Variants in FBLN2 observed in about 807,000 individuals in gnomAD.
FBLN2 encodes the protein fibulin-2.
In FBLN2, 81 loss-of-function variants were observed where a neutral mutation model predicts 123.7. That is an observed-to-expected ratio of 0.65 (90% CI 0.55 to 0.79). FBLN2 has a LOEUF of 0.79. Ranked by LOEUF, FBLN2 falls within the 30% of genes least tolerant of loss-of-function variation. The probability of loss-of-function intolerance (pLI) is 0.00; values close to 1 mark genes in which losing one functional copy is unlikely to be tolerated. For synonymous variants in FBLN2, 699 were observed against 701.4 expected (o/e 1.00, Z 0.05); for missense variants, 1,603 against 1,681.3 (o/e 0.95, Z 0.81).
intron 1 of FBLN2, among the ~76,000 whole-genome samples, chr3:13,568,127 G>A (rs1056780412): frequency 1.2e-4 from 19 of 152,244 alleles, no homozygotes; most frequent in African/African-American, 4.3e-4. Flanking sequence ...TGGCACCTCA[G>A]TGTGAGGGCA....
chr3:13,567,298 G>A (rs1446833257), intron 1 of FBLN2, among the ~76,000 whole-genome samples: 2 of 152,210 alleles, frequency 1.3e-5, no homozygotes, highest in African/African-American at 4.8e-5. Context: ...CAACGTTCAT[G>A]CCTAGGTGTG....
rs762602216 is a variant in FBLN2 at position 13,629,982 on chromosome 3, G to C, written c.2968+37G>C. 5.0e-6 allele frequency: 8 copies of C among 1,604,600 alleles called. No homozygotes were observed. In the African/African-American group the frequency reaches 1.1e-4, roughly 21 times the overall value. On this transcript the variant is annotated intron_variant, in intron 14 of 17. Coordinates refer to ENST00000404922, the MANE Select transcript of FBLN2 (RefSeq NM_001004019.2). ...CTCATCTCTGACCCTATGCCGCCTG[G>C]TATCTGTAGTGGGCAGACCCGCCGT...
intron 1 of FBLN2, among the ~76,000 whole-genome samples, chr3:13,557,522 T>C (rs914806408): frequency 6.6e-6 from 1 of 152,252 alleles, no homozygotes; most frequent in Non-Finnish European, 1.5e-5. Context: ...CTTGCTCTGC[T>C]GTTCTCTGTG....
intron 16 of FBLN2, among the ~76,000 whole-genome samples, chr3:13,636,219 G>A (rs1456105752): frequency 3.3e-5 from 5 of 152,204 alleles, no homozygotes; most frequent in African/African-American, 1.2e-4. Flanking sequence ...TCTGGAGCGC[G>A]AGAAGCCTTG....
At chr3:13,619,880 G>C (rs763208589) in intron 8 of FBLN2, 49 bp downstream of exon 8, 2 of 1,464,164 alleles carry the variant, frequency 1.4e-6, no homozygotes, top group East Asian at 4.7e-5. Flanking sequence ...GAGTTGGCCT[G>C]TGATGGGGGC....
At chr3:13,631,604 A>G in intron 16 of FBLN2, 147 bp downstream of exon 16, 1 of 985,864 alleles carries the variant, frequency 1.0e-6, no homozygotes, top group Non-Finnish European at 1.5e-6. Context: ...ACCAGTGGCC[A>G]TGTTAACTGA....
chr3:13,579,886 G>A (rs1246481779), intron 2 of FBLN2, among the ~76,000 whole-genome samples: 1 of 152,220 alleles, frequency 6.6e-6, no homozygotes, highest in Non-Finnish European at 1.5e-5. Flanking sequence ...ATTTTCCCAA[G>A]TGAACACACC....
intron 5 of FBLN2, among the ~76,000 whole-genome samples, chr3:13,615,154 C>T (rs1480708505): frequency 2.0e-5 from 3 of 152,224 alleles, no homozygotes; most frequent in Admixed American, 6.5e-5. Flanking sequence ...GACCATTAGC[C>T]TCCTCTGTGC....
intron 2 of FBLN2, among the ~76,000 whole-genome samples, chr3:13,590,613 A>T (rs1704642393): frequency 6.6e-6 from 1 of 152,322 alleles, no homozygotes; most frequent in African/African-American, 2.4e-5. Context: ...GGCGTGAGCC[A>T]CCATGCCCAG....
intron 7 of FBLN2, 40 bp from the exon 8 acceptor site, chr3:13,619,690 A>G: frequency 6.4e-7 from 1 of 1,571,584 alleles, no homozygotes; most frequent in South Asian, 1.1e-5. Context: ...GACCAAGGCC[A>G]GGGCCTGGTG....
At chr3:13,636,328 C>T (rs376779091) in intron 16 of FBLN2, 117 bp from the exon 17 acceptor site, 135 of 1,270,784 alleles carry the variant, frequency 1.1e-4, no homozygotes, top group Middle Eastern at 4.8e-4. Flanking sequence ...GGGAGGCACG[C>T]GGGCTATTCT....
chr3:13,619,424 T>C (rs1705765563), intron 7 of FBLN2, among the ~76,000 whole-genome samples: 1 of 152,208 alleles, frequency 6.6e-6, no homozygotes, highest in African/African-American at 2.4e-5. Context: ...CTTTCTCTTC[T>C]TCCTTCTCTC....
In FBLN2 at chr3:13,621,825, TG is replaced by T; in HGVS notation, c.2207del (p.Cys736LeufsTer2). The T allele has an allele frequency of 6.2e-7, 1 of 1,614,048 alleles. No homozygotes were observed. Among genetic ancestry groups the T allele is most frequent in the Non-Finnish European group, 8.5e-7 (1 of 1,179,874 alleles). ...TCACGATTGTAGCCGGCGACAGTTCTGTGTGAACACCCTGGGATCCTTCTAC... is the reference window on the plus strand; with the variant it reads ...TCACGATTGTAGCCGGCGACAGTTCTTGTGAACACCCTGGGATCCTTCTAC... ...GAHDCSRRQF[C>X]VNTLGSFYCV... On this transcript the variant is annotated frameshift_variant, in exon 9 of 18. Transcript: ENST00000404922. LOFTEE classifies it high-confidence loss of function.
At chr3:13,568,797 C>T (rs1703827570) in intron 1 of FBLN2, 2 of 985,566 alleles carry the variant, frequency 2.0e-6, no homozygotes, top group African/African-American at 1.7e-5. Context: ...CAGTTCTCTA[C>T]AGATTTGCTC....
chr3:13,636,413 G>A (rs373537963), intron 16 of FBLN2, 32 bp from the exon 17 acceptor site: 309 of 1,610,510 alleles, frequency 1.9e-4, no homozygotes, highest in Non-Finnish European at 2.5e-4. Flanking sequence ...CCCAGCTGTG[G>A]GGACCCTGCC....
chr3:13,564,609 G>A (rs1198701957), intron 1 of FBLN2, among the ~76,000 whole-genome samples: 1 of 152,152 alleles, frequency 6.6e-6, no homozygotes, highest in Non-Finnish European at 1.5e-5. Context: ...TGTATTTGCT[G>A]GATCTCATCA....
intron 4 of FBLN2, among the ~76,000 whole-genome samples, chr3:13,612,438 T>C (rs1705436700): frequency 6.6e-6 from 1 of 151,810 alleles, no homozygotes; most frequent in African/African-American, 2.4e-5. Context: ...TGGAGTGCAG[T>C]GATGCCATCT....
intron 10 of FBLN2, 96 bp from the exon 11 acceptor site, chr3:13,627,736 G>A: frequency 7.0e-7 from 1 of 1,421,438 alleles, no homozygotes; most frequent in Non-Finnish European, 9.3e-7. Context: ...GGCCATCAGG[G>A]TCATGGGTCT....
At position 13,571,161 on chromosome 3, in the gene FBLN2, A is replaced by C. The variant is rs763602826; in HGVS notation, c.806A>C (p.Lys269Thr). Residue 269 changes from lysine (K) to threonine (T), a missense_variant, in exon 2 of 18, where the codon AAA (lysine) becomes ACA (threonine). By Grantham distance (78) the Lys-to-Thr change is moderately conservative. Coordinates refer to ENST00000404922, the MANE Select transcript of FBLN2 (RefSeq NM_001004019.2). ...ALGPPAPVQA[K>T]ARRVTEDSEE... ...GGTCCCCCAGCCCCAGTGCAGGCCA[A>C]AGCTAGGAGAGTGACCGAGGACAGT... 25 of 1,559,788 alleles carry C rather than the reference A, an allele frequency of 1.6e-5. No individual in the cohort carries two copies. The highest frequency in any genetic ancestry group is 2.2e-5 in the Non-Finnish European group (25 of 1,152,738).
Sources: gnomAD v4.1 joint callset for allele counts (sites outside exome capture counted in the v4.1 genomes callset) on GRCh38, gnomAD v4.1.1 for gene constraint, MANE v1.5 for transcripts, NCBI Gene and HGNC (gene_info 2026-07-23, HGNC 2026-07-21) for gene names.